Variants in KIF21A observed in about 807,000 individuals in gnomAD.
The protein encoded by KIF21A is kinesin-like protein KIF21A.
KIF21A carries 114 observed loss-of-function variants against 202.9 expected under a neutral mutation model. The observed-to-expected ratio is 0.56, with a 90% CI of 0.48 to 0.66. The LOEUF is 0.66. Among genes scored for constraint, KIF21A ranks in the 30% least tolerant of loss-of-function variants. The pLI, the probability that KIF21A is intolerant of heterozygous loss-of-function variation, is 0.00. For synonymous variants in KIF21A, 667 were observed against 670.8 expected (o/e 0.99, Z 0.09); for missense variants, 1,677 against 1,994.9 (o/e 0.84, Z 3.04).
At position 39,330,251 on chromosome 12, in the gene KIF21A, C is replaced by T. The variant is rs563027265; in HGVS notation, c.3331G>A (p.Val1111Ile). The part of the protein sequence containing the change: ...LGHALQDLDS[V>I]PLENVEDSTD... ...AGCTAAACATACTTACCTAATGGTA[C>T]GCTATCTAGATCTGTGTAAATAACA... The change falls in exon 24 of 38, where the codon GTA (valine) becomes ATA (isoleucine). Residue 1111 changes from valine to isoleucine, a missense_variant. Transcript: ENST00000361418. The T allele has an allele frequency of 8.7e-6, 14 of 1,611,840 alleles. No individual in the cohort carries two copies. Among genetic ancestry groups the T allele is most frequent in the Admixed American group, 3.3e-5 (2 of 59,992 alleles).
intron 1 of KIF21A, among the ~76,000 whole-genome samples, chr12:39,401,792 T>A (rs906579028): frequency 4.6e-5 from 7 of 152,190 alleles, no homozygotes; most frequent in Non-Finnish European, 8.8e-5. Flanking sequence ...CTTTTAGAAA[T>A]GGGATTTCAG....
At chr12:39,434,502 C>T (rs1439988624) in intron 1 of KIF21A, among the ~76,000 whole-genome samples, 1 of 152,162 alleles carries the variant, frequency 6.6e-6, no homozygotes, top group Non-Finnish European at 1.5e-5. Context: ...TTTTCAAGTG[C>T]TTTCACATGG....
chr12:39,370,533 G>A (rs1237043365), intron 1 of KIF21A, among the ~76,000 whole-genome samples: 2 of 151,974 alleles, frequency 1.3e-5, no homozygotes, highest in African/African-American at 2.4e-5. Context: ...TACCCAAGTG[G>A]ATACTTTTCC....
At chr12:39,348,456 A>C (rs1480600052) in intron 11 of KIF21A, among the ~76,000 whole-genome samples, 2 of 152,122 alleles carry the variant, frequency 1.3e-5, no homozygotes, top group Non-Finnish European at 2.9e-5. Flanking sequence ...TATTAGTTAT[A>C]GTTCTGATAC....
At chr12:39,328,860 C>T (rs1946222690) in intron 24 of KIF21A, among the ~76,000 whole-genome samples, 1 of 152,222 alleles carries the variant, frequency 6.6e-6, no homozygotes, top group Non-Finnish European at 1.5e-5. Flanking sequence ...TCATCTCCTC[C>T]AGAAAGCCTT....
chr12:39,369,480 C>G (rs1949814722), intron 3 of KIF21A, among the ~76,000 whole-genome samples: 1 of 151,934 alleles, frequency 6.6e-6, no homozygotes, highest in African/African-American at 2.4e-5. Flanking sequence ...GGGGGGGGTT[C>G]TTAAATAAAC....
chr12:39,334,567 A>C (rs1946801781), intron 17 of KIF21A, among the ~76,000 whole-genome samples: 2 of 152,204 alleles, frequency 1.3e-5, no homozygotes, highest in Admixed American at 1.3e-4. Flanking sequence ...GAATTATCAG[A>C]AATTAAAATT....
chr12:39,357,110 T>C, intron 9 of KIF21A, 138 bp downstream of exon 9: 1 of 713,514 alleles, frequency 1.4e-6, no homozygotes, highest in Non-Finnish European at 2.4e-6. Flanking sequence ...TGAAATTAGG[T>C]ATTTAACTTA....
Position 39,360,635 on chromosome 12 carries a change from C to T in KIF21A, c.1020-2262G>A, listed in dbSNP as rs143750106. On this transcript the variant is annotated intron_variant, in intron 7 of 37. Transcript: ENST00000361418. ...CTTCAACTTGTGACCTCAGGTTATC[C>T]GCCCACCTAGGCCTCAAAGTACTGG... 2.3e-4 allele frequency among the ~76,000 whole-genome samples: 35 copies of T among 150,296 alleles called. No individual in the cohort carries two copies. The East Asian group carries it at 6.6e-3, about 28-fold the overall frequency.
chr12:39,364,603 A>T (rs545804786), intron 6 of KIF21A, among the ~76,000 whole-genome samples: 27 of 152,216 alleles, frequency 1.8e-4, no homozygotes, highest in African/African-American at 6.0e-4. Flanking sequence ...TATAGGAGTA[A>T]ATATTGGGGG....
chr12:39,307,000 G>A (rs1317789338), intron 34 of KIF21A, among the ~76,000 whole-genome samples: 1 of 152,068 alleles, frequency 6.6e-6, no homozygotes, highest in Non-Finnish European at 1.5e-5. Context: ...AAGGAAAAGA[G>A]TTCACACTTC....
chr12:39,336,971 T>G, intron 17 of KIF21A, 125 bp downstream of exon 17: 1 of 688,332 alleles, frequency 1.5e-6, no homozygotes, highest in Non-Finnish European at 2.6e-6. Context: ...ATAAAGTGTA[T>G]GCTTATCTAT....
intron 1 of KIF21A, among the ~76,000 whole-genome samples, chr12:39,407,603 T>G (rs1952699465): frequency 6.6e-6 from 1 of 152,192 alleles, no homozygotes; most frequent in African/African-American, 2.4e-5. Context: ...ATACTATAAT[T>G]ATCTCATTTT....
intron 23 of KIF21A, 39 bp from the exon 24 acceptor site, chr12:39,330,301 C>T: frequency 1.3e-6 from 2 of 1,591,320 alleles, no homozygotes; most frequent in Non-Finnish European, 8.6e-7. Flanking sequence ...AAAAGCAATA[C>T]TCCAATCAAA....
At chr12:39,360,210 A>G (rs1036824124) in intron 7 of KIF21A, among the ~76,000 whole-genome samples, 14 of 149,984 alleles carry the variant, frequency 9.3e-5, no homozygotes, top group Non-Finnish European at 1.3e-4. Context: ...AAATAAAGCT[A>G]AAAAAAAGCT....
At chr12:39,407,878 C>T (rs1032340021) in intron 1 of KIF21A, among the ~76,000 whole-genome samples, 3 of 130,552 alleles carry the variant, frequency 2.3e-5, no homozygotes, top group Admixed American at 8.0e-5. Flanking sequence ...AGCATAAAAT[C>T]AGTAGCTAAA....
intron 1 of KIF21A, among the ~76,000 whole-genome samples, chr12:39,408,459 GA>G (rs1952791407): frequency 6.6e-6 from 1 of 152,110 alleles, no homozygotes; most frequent in African/African-American, 2.4e-5. Flanking sequence ...GCAGGCCACA[GA>G]CTGTTACCAG....
rs11171675 is a variant in KIF21A at position 39,294,187 on chromosome 12, T to C, written c.*237A>G. On this transcript the variant is annotated 3_prime_UTR_variant, in exon 38 of 38. Transcript: ENST00000361418. ...CAAAAATTCAGCCACAATAAAAGTG[T>C]GAATAAAGCAATATATCAATTGTAG... 102,789 of 411,246 alleles carry C rather than the reference T, an allele frequency of 0.25. 16,336 individuals carry two copies. Among genetic ancestry groups the C allele is most frequent in the African/African-American group, 0.53 (25,744 of 48,834 alleles). The allele number at this position is 411,246 out of a possible 1,614,324, so 25.5% of individuals were successfully genotyped here. A position where few individuals can be genotyped will look rare whatever the true frequency, so the allele number is the denominator to read the frequency against.
intron 1 of KIF21A, among the ~76,000 whole-genome samples, chr12:39,437,513 A>G (rs1938980370): frequency 6.6e-6 from 1 of 152,240 alleles, no homozygotes; most frequent in East Asian, 1.9e-4. Context: ...AGGGCATGAT[A>G]TAAGGAATAT....
Sources: allele counts gnomAD v4.1 joint callset (sites outside exome capture counted in the v4.1 genomes callset), GRCh38; gene constraint gnomAD v4.1.1; transcripts MANE v1.5; gene names NCBI Gene and HGNC (gene_info 2026-07-23, HGNC 2026-07-21).